Variants in ARHGAP15 observed in about 807,000 individuals in gnomAD.
ARHGAP15 encodes the protein rho GTPase-activating protein 15.
A neutral mutation model predicts 63.7 loss-of-function variants in ARHGAP15; 51 were observed. The ratio of observed to expected loss-of-function variants is 0.80; its 90% CI spans 0.64 to 1.01. The LOEUF is 1.01. Among genes scored for constraint, ARHGAP15 ranks in the 50% least tolerant of loss-of-function variants. ARHGAP15 has a pLI of 0.00. For missense variants in ARHGAP15, 560 were observed against 564.6 expected, an observed-to-expected ratio of 0.99 and a Z score of 0.08; for synonymous variants, 191 against 193.8, an observed-to-expected ratio of 0.99 and a Z score of 0.12.
intron 4 of ARHGAP15, among the ~76,000 whole-genome samples, chr2:143,225,062 G>T (rs1051417756): frequency 2.2e-4 from 33 of 152,284 alleles, no homozygotes; most frequent in African/African-American, 5.3e-4. Flanking sequence ...TGGCTTCACC[G>T]GTGTGCGTCC....
intron 10 of ARHGAP15, among the ~76,000 whole-genome samples, chr2:143,539,455 C>A (rs2105040449): frequency 1.3e-5 from 2 of 152,170 alleles, no homozygotes; most frequent in Middle Eastern, 6.8e-3. Context: ...TTCTCTAGTT[C>A]TTTTAATTGT....
intron 13 of ARHGAP15, 67 bp from the exon 14 acceptor site, chr2:143,767,922 A>C (rs1574942269): frequency 7.0e-7 from 1 of 1,432,856 alleles, no homozygotes; most frequent in Admixed American, 2.2e-5. Flanking sequence ...TTTTTTAATC[A>C]CTCCAAAGTA....
At chr2:143,413,006 T>C (rs1018857387) in intron 6 of ARHGAP15, among the ~76,000 whole-genome samples, 1 of 152,182 alleles carries the variant, frequency 6.6e-6, no homozygotes, top group Admixed American at 6.5e-5. Flanking sequence ...CTGCCAAAAC[T>C]TTTCATCTTA....
At position 143,177,293 on chromosome 2, in the gene ARHGAP15, T is replaced by C. The variant is rs555422031; in HGVS notation, c.165+21638T>C. ...GGCTGTTCACATGCTTAGAGTACTC[T>C]GTCGTAGAATTAAAAGGAATTCTTC... On this transcript the variant is annotated intron_variant, in intron 2 of 13. Coordinates refer to ENST00000295095, the MANE Select transcript of ARHGAP15 (RefSeq NM_018460.4). Among the ~76,000 whole-genome samples, 9 of 152,292 alleles carry C rather than the reference T, an allele frequency of 5.9e-5. No individual in the cohort carries two copies. The East Asian group carries it at 1.7e-3, about 29-fold the overall frequency.
At chr2:143,355,992 T>C (rs1293722789) in intron 6 of ARHGAP15, among the ~76,000 whole-genome samples, 1 of 151,906 alleles carries the variant, frequency 6.6e-6, no homozygotes, top group Non-Finnish European at 1.5e-5. Context: ...CTGTCACCAC[T>C]GACAGGCTAT....
rs918485341 is a variant in ARHGAP15 at position 143,334,563 on chromosome 2, A to G, written c.474+83963A>G. On this transcript the variant is annotated intron_variant, in intron 6 of 13. Transcript: ENST00000295095. ...TGATAAGATGTAAAGCATGATTGCA[A>G]AACTTTAATAATAGTGTGGGAGGAA... is the stretch of plus-strand genomic sequence containing the variant. Among the ~76,000 whole-genome samples, 3 of 152,298 alleles carry G rather than the reference A, an allele frequency of 2.0e-5. No homozygotes were observed. The East Asian group carries it at 5.8e-4, about 29-fold the overall frequency.
intron 12 of ARHGAP15, among the ~76,000 whole-genome samples, chr2:143,655,349 T>A (rs1681382581): frequency 6.6e-6 from 1 of 152,138 alleles, no homozygotes; most frequent in Non-Finnish European, 1.5e-5. Flanking sequence ...AACATGGTGT[T>A]ATGGAGAGAA....
intron 9 of ARHGAP15, among the ~76,000 whole-genome samples, chr2:143,502,637 T>C (rs1452174637): frequency 6.6e-6 from 1 of 151,922 alleles, no homozygotes; most frequent in Non-Finnish European, 1.5e-5. Flanking sequence ...TGGAGTGCAA[T>C]GGCACGATCT....
intron 6 of ARHGAP15, among the ~76,000 whole-genome samples, chr2:143,343,604 G>A (rs777809940): frequency 7.2e-5 from 11 of 152,044 alleles, no homozygotes; most frequent in Non-Finnish European, 1.3e-4. Flanking sequence ...TATTTGTTGC[G>A]TTAATGAATG....
chr2:143,650,444 T>C (rs1318899457), intron 12 of ARHGAP15, among the ~76,000 whole-genome samples: 1 of 151,938 alleles, frequency 6.6e-6, no homozygotes, highest in African/African-American at 2.4e-5. Flanking sequence ...TAATCATCTT[T>C]TCTGGTTCTA....
intron 3 of ARHGAP15, among the ~76,000 whole-genome samples, chr2:143,214,543 A>C (rs1692676859): frequency 6.6e-6 from 1 of 152,236 alleles, no homozygotes; most frequent in Non-Finnish European, 1.5e-5. Flanking sequence ...ATGTATCCAA[A>C]TACAAAACAA....
At chr2:143,602,926 G>A (rs554470753) in intron 11 of ARHGAP15, among the ~76,000 whole-genome samples, 55 of 152,172 alleles carry the variant, frequency 3.6e-4, no homozygotes, top group Non-Finnish European at 6.5e-4. Flanking sequence ...AAGGTGGCCC[G>A]ATCAATTATT....
At chr2:143,333,412 TGCA>T (rs1353170329) in intron 6 of ARHGAP15, among the ~76,000 whole-genome samples, 3 of 152,180 alleles carry the variant, frequency 2.0e-5, no homozygotes, top group African/African-American at 7.2e-5. Context: ...TTGTCCGAGT[TGCA>T]GTACTCTTTT....
intron 12 of ARHGAP15, among the ~76,000 whole-genome samples, chr2:143,649,584 A>T: frequency 6.6e-6 from 1 of 152,076 alleles, no homozygotes; most frequent in South Asian, 2.1e-4. Flanking sequence ...TGTGTTCATC[A>T]TCTGTTATTG....
At chr2:143,548,271 C>G (rs1256765448) in intron 10 of ARHGAP15, among the ~76,000 whole-genome samples, 1 of 151,946 alleles carries the variant, frequency 6.6e-6, no homozygotes, top group Non-Finnish European at 1.5e-5. Flanking sequence ...CCCAATTGCC[C>G]AAGTGTTCAA....
At chr2:143,341,214 A>G (rs1685044227) in intron 6 of ARHGAP15, among the ~76,000 whole-genome samples, 1 of 152,084 alleles carries the variant, frequency 6.6e-6, no homozygotes, top group East Asian at 1.9e-4. Context: ...GAGGGGATGA[A>G]CCACATCCCC....
At chr2:143,735,522 T>A (rs1007966887) in intron 13 of ARHGAP15, among the ~76,000 whole-genome samples, 9 of 152,212 alleles carry the variant, frequency 5.9e-5, no homozygotes, top group African/African-American at 2.2e-4. Flanking sequence ...CAGGGGCAAG[T>A]AAGCTTCTCT....
intron 12 of ARHGAP15, among the ~76,000 whole-genome samples, chr2:143,650,883 G>A (rs758424037): frequency 5.9e-5 from 9 of 151,744 alleles, no homozygotes; most frequent in African/African-American, 1.9e-4. Flanking sequence ...CATAGCACTC[G>A]TCTCATGTTT....
At chr2:143,362,756 G>A (rs1032144433) in intron 6 of ARHGAP15, among the ~76,000 whole-genome samples, 1 of 152,018 alleles carries the variant, frequency 6.6e-6, no homozygotes, top group Non-Finnish European at 1.5e-5. Flanking sequence ...AAAAATCTAG[G>A]ATTCATTCGT....
Sources: gnomAD v4.1 joint callset for allele counts (sites outside exome capture counted in the v4.1 genomes callset) on GRCh38, gnomAD v4.1.1 for gene constraint, MANE v1.5 for transcripts, NCBI Gene and HGNC (gene_info 2026-07-23, HGNC 2026-07-21) for gene names.